Variants in SNX29 observed in about 807,000 individuals in gnomAD.
SNX29 encodes the protein sorting nexin 29.
SNX29 carries 78 observed loss-of-function variants against 102.1 expected under a neutral mutation model. That is an observed-to-expected ratio of 0.76 (90% CI 0.64 to 0.92). The LOEUF (loss-of-function observed/expected upper bound fraction) is 0.92. Among genes scored for constraint, SNX29 ranks in the 40% least tolerant of loss-of-function variants. SNX29 has a pLI of 0.00. For missense variants in SNX29, 1,280 were observed against 1,061.7 expected (o/e 1.21, Z -2.86); for synonymous variants, 580 against 414.5 (o/e 1.40, Z -4.85).
intron 14 of SNX29, among the ~76,000 whole-genome samples, chr16:12,217,854 G>A (rs189741263): frequency 1.3e-5 from 2 of 152,308 alleles, no homozygotes; most frequent in Admixed American, 6.5e-5. Context: ...TCTATAAAAC[G>A]TGGATGGTAA....
chr16:12,452,348 T>C (rs1364365625), intron 18 of SNX29, among the ~76,000 whole-genome samples: 12 of 19,210 alleles, frequency 6.2e-4, no homozygotes, highest in Non-Finnish European at 8.3e-5. Context: ...TGTCTCACAA[T>C]GCACAGGACA....
chr16:12,555,955 T>A (rs1273726038), intron 20 of SNX29, among the ~76,000 whole-genome samples: 1 of 151,956 alleles, frequency 6.6e-6, no homozygotes, highest in Non-Finnish European at 1.5e-5. Flanking sequence ...CACCAACTTG[T>A]AACACCATCT....
intron 3 of SNX29, among the ~76,000 whole-genome samples, chr16:12,023,679 G>T (rs1164969289): frequency 6.6e-6 from 1 of 152,006 alleles, no homozygotes; most frequent in African/African-American, 2.4e-5. Flanking sequence ...TCCCATATAA[G>T]ATGGTTCATT....
intron 11 of SNX29, among the ~76,000 whole-genome samples, chr16:12,110,661 A>C (rs545379964): frequency 1.6e-4 from 25 of 152,170 alleles, no homozygotes; most frequent in African/African-American, 5.8e-4. Context: ...CAGGGTGGTC[A>C]ATGTCACTTC....
At chr16:12,165,998 G>A (rs889428423) in intron 13 of SNX29, among the ~76,000 whole-genome samples, 5 of 152,196 alleles carry the variant, frequency 3.3e-5, no homozygotes, top group African/African-American at 1.2e-4. Context: ...GGGGGTTGTC[G>A]AGAGTTGTTT....
intron 20 of SNX29, among the ~76,000 whole-genome samples, chr16:12,561,636 A>G (rs1567205067): frequency 2.0e-5 from 3 of 152,306 alleles, no homozygotes; most frequent in South Asian, 2.1e-4. Context: ...GGCTTATTAA[A>G]AAGAACAGCC....
chr16:12,470,248 G>C (rs2087270030), intron 18 of SNX29, among the ~76,000 whole-genome samples: 1 of 152,174 alleles, frequency 6.6e-6, no homozygotes, highest in African/African-American at 2.4e-5. Flanking sequence ...AAATGGAGAG[G>C]GAGGCATTTG....
chr16:12,340,642 AG>A (rs964105490), intron 15 of SNX29, among the ~76,000 whole-genome samples: 3 of 152,220 alleles, frequency 2.0e-5, no homozygotes, highest in African/African-American at 7.2e-5. Flanking sequence ...CCTGGTGGCC[AG>A]GTAGACAAGA....
chr16:12,532,569 T>A (rs1053817474), intron 20 of SNX29, among the ~76,000 whole-genome samples: 3 of 152,252 alleles, frequency 2.0e-5, no homozygotes, highest in Non-Finnish European at 4.4e-5. Context: ...GCAGGAATTC[T>A]GACTTCACCA....
chr16:12,412,260 C>T (rs954909067), intron 18 of SNX29, among the ~76,000 whole-genome samples: 1 of 152,224 alleles, frequency 6.6e-6, no homozygotes, highest in African/African-American at 2.4e-5. Flanking sequence ...GATGAAGCAG[C>T]TGTGACTCTG....
chr16:12,323,803 C>T (rs1244017103), intron 15 of SNX29, among the ~76,000 whole-genome samples: 1 of 152,116 alleles, frequency 6.6e-6, no homozygotes. Context: ...TGATGTGGAC[C>T]TCCCTCCCAG....
intron 18 of SNX29, among the ~76,000 whole-genome samples, chr16:12,456,091 A>G (rs1379798174): frequency 6.6e-6 from 1 of 152,178 alleles, no homozygotes. Context: ...CATTCATAGT[A>G]TTGAATATCC....
In SNX29 at chr16:12,572,548, T is replaced by C; in HGVS notation, c.*3919T>C. On this transcript the variant is annotated 3_prime_UTR_variant, in exon 21 of 21. Transcript: ENST00000566228. Reference sequence around the variant, plus strand: ...GCCCCCACAGGGGGCTGCGACACCATCTGGCTCCTCACAGGGAGGTCCAGC... The same window carrying C: ...GCCCCCACAGGGGGCTGCGACACCACCTGGCTCCTCACAGGGAGGTCCAGC... The C allele has an allele frequency of 9.4e-7, 1 of 1,063,572 alleles. No individual in the cohort carries two copies. Among genetic ancestry groups the C allele is most frequent in the Non-Finnish European group, 1.1e-6 (1 of 878,164 alleles). The allele number at this position is 1,063,572 out of a possible 1,614,324, so 65.9% of individuals were successfully genotyped here.
chr16:12,548,440 A>G (rs760870422), intron 20 of SNX29, among the ~76,000 whole-genome samples: 1 of 152,186 alleles, frequency 6.6e-6, no homozygotes, highest in Non-Finnish European at 1.5e-5. Flanking sequence ...ACATCCCTGT[A>G]CCATGGCATC....
intron 13 of SNX29, among the ~76,000 whole-genome samples, chr16:12,177,121 T>C (rs935213410): frequency 6.6e-6 from 1 of 152,086 alleles, no homozygotes; most frequent in African/African-American, 2.4e-5. Context: ...CTAATCATTT[T>C]ACTTTTTGTA....
At chr16:12,255,352 T>C (rs937403579) in intron 14 of SNX29, among the ~76,000 whole-genome samples, 8 of 150,510 alleles carry the variant, frequency 5.3e-5, no homozygotes, top group African/African-American at 1.2e-4. Context: ...CCCACCACCA[T>C]GCCTGGCTAA....
At chr16:12,005,416 A>G (rs1464856267) in intron 3 of SNX29, among the ~76,000 whole-genome samples, 1 of 152,166 alleles carries the variant, frequency 6.6e-6, no homozygotes, top group East Asian at 1.9e-4. Context: ...GAGCTTGCTG[A>G]GAATTTGCAT....
chr16:12,463,508 C>T (rs906215930), intron 18 of SNX29, among the ~76,000 whole-genome samples: 5 of 152,236 alleles, frequency 3.3e-5, no homozygotes, highest in African/African-American at 1.2e-4. Flanking sequence ...GACATCAGAT[C>T]TCATGAGACT....
At chr16:12,443,165 C>T (rs2085887283) in intron 18 of SNX29, 1 of 382,510 alleles carries the variant, frequency 2.6e-6, no homozygotes, top group Admixed American at 3.4e-5. Flanking sequence ...TGGGCTTTCT[C>T]TGTCATGCTC....
Sources: allele counts gnomAD v4.1 joint callset (sites outside exome capture counted in the v4.1 genomes callset), GRCh38; gene constraint gnomAD v4.1.1; transcripts MANE v1.5; gene names NCBI Gene and HGNC (gene_info 2026-07-23, HGNC 2026-07-21).